The following ANK2 variants were observed in gnomAD, a reference collection of about 807,000 sequenced individuals.
ANK2 encodes ankyrin-2.
In ANK2, 83 loss-of-function variants were observed where a neutral mutation model predicts 360.5. The observed-to-expected ratio is 0.23, with a 90% CI of 0.19 to 0.28. The LOEUF (loss-of-function observed/expected upper bound fraction) is 0.28, where lower values mean the gene tolerates loss of function less well. Among genes scored for constraint, ANK2 ranks in the 10% least tolerant of loss-of-function variants. The probability of loss-of-function intolerance (pLI) is 1.00; values close to 1 mark genes in which losing one functional copy is unlikely to be tolerated. For synonymous variants in ANK2, 1,740 were observed against 1,759.5 expected (o/e 0.99, Z 0.28); for missense variants, 4,201 against 4,795.7 (o/e 0.88, Z 3.66).
intron 1 of ANK2, among the ~76,000 whole-genome samples, chr4:113,064,608 C>T (rs1281411890): frequency 6.6e-6 from 1 of 152,192 alleles, no homozygotes; most frequent in Non-Finnish European, 1.5e-5. Flanking sequence ...GTACCAACCA[C>T]CCTTACGTCA....
chr4:113,239,242 TTCTC>T (rs750629345), intron 7 of ANK2, among the ~76,000 whole-genome samples: 4 of 152,168 alleles, frequency 2.6e-5, no homozygotes, highest in Admixed American at 6.5e-5. Context: ...TGTGTCTTGC[TTCTC>T]TCTAAGTAAG....
At chr4:113,000,754 A>T (rs999009542) in intron 2 of ANK2, among the ~76,000 whole-genome samples, 1 of 152,196 alleles carries the variant, frequency 6.6e-6, no homozygotes, top group Non-Finnish European at 1.5e-5. Context: ...CAGCAAAGTA[A>T]CTCAAAACTG....
At chr4:113,145,795 G>A in intron 1 of ANK2, 1 of 1,260,390 alleles carries the variant, frequency 7.9e-7, no homozygotes, top group Non-Finnish European at 1.0e-6. Flanking sequence ...CCACATTAGT[G>A]TACCCCTGGG....
intron 26 of ANK2, among the ~76,000 whole-genome samples, chr4:113,325,284 TAGC>T (rs1438999518): frequency 1.3e-5 from 2 of 152,194 alleles, no homozygotes; most frequent in Non-Finnish European, 2.9e-5. Context: ...CCTGAAGTAA[TAGC>T]AGTTTATTTT....
the ANK2 span, among the ~76,000 whole-genome samples, chr4:112,707,237 A>T: frequency 1.3e-5 from 2 of 151,958 alleles, no homozygotes; most frequent in Non-Finnish European, 2.9e-5. Flanking sequence ...AATAAAGGAG[A>T]CTCCAGGATT....
chr4:112,850,501 A>T (rs1446625031), intron 1 of ANK2, among the ~76,000 whole-genome samples: 24 of 5,750 alleles, frequency 4.2e-3, no homozygotes, highest in South Asian at 8.5e-3. Flanking sequence ...TTCCTGTGCT[A>T]GTCTTTTTTT....
At chr4:113,173,318 A>G (rs927352100) in intron 1 of ANK2, among the ~76,000 whole-genome samples, 5 of 152,164 alleles carry the variant, frequency 3.3e-5, no homozygotes, top group Admixed American at 6.5e-5. Context: ...AATAGCTCTG[A>G]CCGAGTATGC....
intron 1 of ANK2, among the ~76,000 whole-genome samples, chr4:113,061,770 A>C (rs2073527511): frequency 6.6e-6 from 1 of 152,150 alleles, no homozygotes; most frequent in African/African-American, 2.4e-5. Flanking sequence ...AAAAGAATGA[A>C]TAGGATGTAG....
intron 26 of ANK2, among the ~76,000 whole-genome samples, chr4:113,324,100 T>C (rs148717800): frequency 2.6e-5 from 4 of 152,290 alleles, no homozygotes; most frequent in African/African-American, 4.8e-5. Flanking sequence ...AAGTGCTACA[T>C]AGAGATGAAA....
At chr4:113,114,257 A>G (rs1315189827) in intron 1 of ANK2, among the ~76,000 whole-genome samples, 1 of 152,144 alleles carries the variant, frequency 6.6e-6, no homozygotes, top group African/African-American at 2.4e-5. Context: ...CATCCCAAGG[A>G]AAGATACCTG....
intron 1 of ANK2, among the ~76,000 whole-genome samples, chr4:113,050,648 G>A (rs946053384): frequency 6.6e-6 from 1 of 152,148 alleles, no homozygotes; most frequent in Non-Finnish European, 1.5e-5. Flanking sequence ...TGAAAGAGAT[G>A]CTCTATAAAT....
At chr4:113,230,565 C>T (rs751341378) in intron 4 of ANK2, among the ~76,000 whole-genome samples, 4 of 151,840 alleles carry the variant, frequency 2.6e-5, no homozygotes, top group Non-Finnish European at 4.4e-5. Context: ...AATCTCTGAA[C>T]GCTGATCTGT....
chr4:112,803,883 A>G, the ANK2 span, among the ~76,000 whole-genome samples: 2 of 152,078 alleles, frequency 1.3e-5, no homozygotes, highest in Non-Finnish European at 2.9e-5. Context: ...AAATTTCCAA[A>G]TAGTATAATA....
the ANK2 span, among the ~76,000 whole-genome samples, chr4:112,784,578 C>A: frequency 6.6e-6 from 1 of 151,854 alleles, no homozygotes; most frequent in Non-Finnish European, 1.5e-5. Context: ...CTCCTGACCT[C>A]ATGATCCGCC....
the ANK2 span, among the ~76,000 whole-genome samples, chr4:112,733,933 C>T: frequency 1.3e-5 from 2 of 152,164 alleles, no homozygotes; most frequent in Non-Finnish European, 2.9e-5. Context: ...CGCCACCACA[C>T]CCGGCTAATT....
At chr4:112,969,134 G>C (rs1226347666) in intron 2 of ANK2, among the ~76,000 whole-genome samples, 2 of 152,146 alleles carry the variant, frequency 1.3e-5, no homozygotes, top group African/African-American at 2.4e-5. Context: ...TTTTCCAAAG[G>C]CTTTATTTAT....
chr4:112,726,851 CAAAAA>C, the ANK2 span, among the ~76,000 whole-genome samples: 1 of 69,392 alleles, frequency 1.4e-5, no homozygotes. Context: ...GACTCTGTCT[CAAAAA>C]AAAAAAAAAA....
At chr4:112,936,849 C>T (rs2093774201) in intron 2 of ANK2, among the ~76,000 whole-genome samples, 2 of 152,164 alleles carry the variant, frequency 1.3e-5, no homozygotes, top group South Asian at 2.1e-4. Context: ...AGTGCAGTGG[C>T]GTGATCATAG....
At chr4:112,809,526 A>C in the ANK2 span, among the ~76,000 whole-genome samples, 1 of 139,350 alleles carries the variant, frequency 7.2e-6, no homozygotes, top group African/African-American at 2.8e-5. Flanking sequence ...TCGCCACTGC[A>C]CTCCAGCCTG....
Sources: gnomAD v4.1 joint callset for allele counts (sites outside exome capture counted in the v4.1 genomes callset) on GRCh38, gnomAD v4.1.1 for gene constraint, MANE v1.5 for transcripts, NCBI Gene and HGNC (gene_info 2026-07-23, HGNC 2026-07-21) for gene names.